The following CFAP70 variants were observed in gnomAD, a reference collection of about 807,000 sequenced individuals.
CFAP70 encodes the protein cilia- and flagella-associated protein 70.
A neutral mutation model predicts 137.6 loss-of-function variants in CFAP70; 81 were observed. The observed-to-expected ratio is 0.59, with a 90% CI of 0.49 to 0.71. The LOEUF (loss-of-function observed/expected upper bound fraction) is 0.71, where lower values mean the gene tolerates loss of function less well. Ranked by LOEUF, CFAP70 falls within the 30% of genes least tolerant of loss-of-function variation. CFAP70 has a pLI of 0.00. For missense variants in CFAP70, 976 were observed against 1,226.7 expected, an observed-to-expected ratio of 0.80 and a Z score of 3.05; for synonymous variants, 382 against 423.6, an observed-to-expected ratio of 0.90 and a Z score of 1.20.
At chr10:73,272,649 A>G (rs958083856) in intron 24 of CFAP70, among the ~76,000 whole-genome samples, 3 of 152,208 alleles carry the variant, frequency 2.0e-5, no homozygotes, top group African/African-American at 7.2e-5. Context: ...CTTACAGATA[A>G]TATCACAAAG....
intron 1 of CFAP70, among the ~76,000 whole-genome samples, chr10:73,355,403 C>T (rs1447199870): frequency 1.3e-5 from 2 of 152,236 alleles, no homozygotes; most frequent in Non-Finnish European, 2.9e-5. Flanking sequence ...TGTCTCCCAT[C>T]ACCCCCAGAT....
exon 10 of CFAP70, chr10:73,312,553 G>T (rs1480868258): frequency 2.5e-6 from 4 of 1,612,668 alleles, no homozygotes; most frequent in Non-Finnish European, 3.4e-6. Flanking sequence ...GAAACAGCTT[G>T]TTTGGACAGC....
At chr10:73,273,068 A>G (rs1429368085) in intron 23 of CFAP70, 51 bp from the exon 25 acceptor site, 1 of 1,361,316 alleles carries the variant, frequency 7.3e-7, no homozygotes, top group Non-Finnish European at 1.0e-6. Context: ...TTCAAACCCC[A>G]TATTGCTGGG....
At position 73,354,840 on chromosome 10, in the gene CFAP70, A is replaced by C. The variant is rs2054544156; in HGVS notation, c.-39-5T>G. Reference sequence around the variant, plus strand: ...TCCCTCTGTTTTCTTTGGTCTCTGTAAACAGAATGAATCAACCTGTCCCCT... The same window carrying C: ...TCCCTCTGTTTTCTTTGGTCTCTGTCAACAGAATGAATCAACCTGTCCCCT... On this transcript the variant is annotated splice_polypyrimidine_tract_variant and splice_region_variant and intron_variant, in intron 1 of 26. Coordinates refer to ENST00000310715, the Ensembl canonical transcript of CFAP70. The C allele has an allele frequency of 6.4e-7, 1 of 1,555,980 alleles. No individual in the cohort carries two copies. Among genetic ancestry groups the C allele is most frequent in the Non-Finnish European group, 8.9e-7 (1 of 1,128,470 alleles).
At chr10:73,272,569 T>G (rs1433043337) in intron 24 of CFAP70, among the ~76,000 whole-genome samples, 1 of 152,136 alleles carries the variant, frequency 6.6e-6, no homozygotes, top group Non-Finnish European at 1.5e-5. Context: ...AGGGTCACAG[T>G]GCTTAGTAAG....
intron 7 of CFAP70, among the ~76,000 whole-genome samples, chr10:73,335,085 G>C (rs1490454348): frequency 7.6e-6 from 1 of 132,012 alleles, no homozygotes; most frequent in Non-Finnish European, 1.6e-5. Flanking sequence ...TTTTTTGTGA[G>C]CCAGGGTCTT....
intron 15 of CFAP70, 96 bp from the exon 17 acceptor site, chr10:73,293,484 G>A (rs1002101628): frequency 1.7e-5 from 19 of 1,095,516 alleles, no homozygotes; most frequent in East Asian, 5.2e-5. Flanking sequence ...CAGTTATGAC[G>A]TCTAAAATGT....
rs1267952715 is a variant in CFAP70, at chr10:73,298,893, A to T, written c.1512+14T>A. On this transcript the variant is annotated intron_variant, in intron 14 of 26. Coordinates refer to ENST00000310715, the Ensembl canonical transcript of CFAP70. ...TAAACACCCATGGAGTAATTAAACA[A>T]GTGAATGTTTTACCTTGAGTTGTTC... 6.2e-7 allele frequency: 1 copy of T among 1,612,534 alleles called. No individual in the cohort carries two copies. The highest frequency in any genetic ancestry group is 8.5e-7 in the Non-Finnish European group (1 of 1,179,012).
At chr10:73,276,656 A>G (rs762599717) in intron 21 of CFAP70, 3 of 152,058 alleles carry the variant, frequency 2.0e-5, no homozygotes, top group Admixed American at 6.5e-5. Flanking sequence ...CTGGCTCCTG[A>G]GTCTTGATCT....
Position 73,275,248 on chromosome 10 carries a change from C to T in CFAP70, c.2673+198G>A, listed in dbSNP as rs751008432. ...CCTGCCTCGGCCTCCCAAAGTGCTG[C>T]GATTACAGTTGTGAGCCACCGCGCC... On this transcript the variant is annotated intron_variant, in intron 22 of 26. Coordinates refer to ENST00000310715, the Ensembl canonical transcript of CFAP70. The surrounding 1 kb of genome is among the most constrained non-coding windows in gnomAD (Gnocchi z 4.0). 4.7e-5 allele frequency: 18 copies of T among 382,316 alleles called. No individual in the cohort carries two copies. The highest frequency in any genetic ancestry group is 7.0e-5 in the Non-Finnish European group (16 of 227,658). 23.7% of individuals were successfully genotyped at this position (382,316 alleles called of 1,614,324 possible).
intron 25 of CFAP70, among the ~76,000 whole-genome samples, chr10:73,266,981 A>G (rs2045839620): frequency 6.6e-6 from 1 of 151,968 alleles, no homozygotes; most frequent in Admixed American, 6.6e-5. Flanking sequence ...TTGATTTTCA[A>G]TCTTTGTTTC....
At chr10:73,341,914 A>G (rs574059466) in intron 5 of CFAP70, among the ~76,000 whole-genome samples, 2 of 152,350 alleles carry the variant, frequency 1.3e-5, no homozygotes, top group East Asian at 1.9e-4. Context: ...CCTGATGCCT[A>G]TATACTCCTT....
intron 25 of CFAP70, among the ~76,000 whole-genome samples, chr10:73,260,140 G>A (rs111933091): frequency 2.6e-5 from 4 of 151,698 alleles, no homozygotes; most frequent in African/African-American, 9.7e-5. Flanking sequence ...ATTACTTGAG[G>A]CCAGGAGTTC....
chr10:73,265,653 C>T (rs942368034), intron 25 of CFAP70, among the ~76,000 whole-genome samples: 1 of 152,142 alleles, frequency 6.6e-6, no homozygotes, highest in Admixed American at 6.5e-5. Context: ...CTAGAGGAAG[C>T]GCATCATGGT....
At chr10:73,258,827 G>C (rs528332414) in intron 25 of CFAP70, among the ~76,000 whole-genome samples, 1 of 152,252 alleles carries the variant, frequency 6.6e-6, no homozygotes, top group East Asian at 1.9e-4. Context: ...AGCGCCCCCA[G>C]GCTTATTAGG....
intron 12 of CFAP70, among the ~76,000 whole-genome samples, chr10:73,300,661 G>A (rs941516951): frequency 1.3e-5 from 2 of 151,988 alleles, no homozygotes; most frequent in East Asian, 1.9e-4. Context: ...TTAGGAGTTC[G>A]AGACCAGCCT....
rs534657191 is a variant in CFAP70 at position 73,277,629 on chromosome 10, C to T, written c.2399-268G>A. Among the ~76,000 whole-genome samples the T allele has an allele frequency of 2.3e-3, 352 of 152,058 alleles. 2 individuals are homozygous for T. The highest frequency in any genetic ancestry group is 3.7e-3 in the Non-Finnish European group (255 of 68,000). On this transcript the variant is annotated intron_variant, in intron 20 of 26. Coordinates refer to ENST00000310715, the Ensembl canonical transcript of CFAP70. ...TTGGGAGGCTGAGGCAGGAGAATCA[C>T]TTGAACCAAGGAGTCAGAGGTTGCA...
chr10:73,335,614 A>C, intron 6 of CFAP70, 90 bp from the exon 8 acceptor site: 1 of 845,300 alleles, frequency 1.2e-6, no homozygotes, highest in Non-Finnish European at 1.8e-6. Context: ...GGATTTGTTC[A>C]CAATACTTTT....
intron 1 of CFAP70, among the ~76,000 whole-genome samples, chr10:73,356,088 A>G (rs1266632779): frequency 6.6e-6 from 1 of 152,180 alleles, no homozygotes; most frequent in East Asian, 1.9e-4. Flanking sequence ...AAAAGGTCTT[A>G]ATGTATTTCT....
Sources: allele counts gnomAD v4.1 joint callset (sites outside exome capture counted in the v4.1 genomes callset), GRCh38; gene constraint gnomAD v4.1.1; non-coding constraint Gnocchi (gnomAD v3.1); transcripts MANE v1.5; gene names NCBI Gene and HGNC (gene_info 2026-07-23, HGNC 2026-07-21).